Variants in RYR2 observed in about 807,000 individuals in gnomAD.
The protein encoded by RYR2 is ryanodine receptor 2, also known as cardiac muscle ryanodine receptor-calcium release channel.
In RYR2, 227 loss-of-function variants were observed where a neutral mutation model predicts 601.1. That is an observed-to-expected ratio of 0.38 (90% confidence interval 0.34 to 0.42). The LOEUF (loss-of-function observed/expected upper bound fraction) is 0.42. RYR2 is among the 10% of genes least tolerant of loss of function. RYR2 has a pLI of 1.00. For synonymous variants in RYR2, 2,223 were observed against 2,175.1 expected (o/e 1.02, Z -0.61); for missense variants, 4,646 against 6,156.5 (o/e 0.75, Z 8.21).
At chr1:237,663,396 A>G (rs1683990185) in intron 56 of RYR2, among the ~76,000 whole-genome samples, 1 of 152,210 alleles carries the variant, frequency 6.6e-6, no homozygotes, top group Non-Finnish European at 1.5e-5. Flanking sequence ...ATGAGTGAAG[A>G]TCATGTGTAG....
intron 77 of RYR2, among the ~76,000 whole-genome samples, chr1:237,730,838 A>G (rs1291847304): frequency 6.6e-6 from 1 of 152,158 alleles, no homozygotes; most frequent in East Asian, 1.9e-4. Flanking sequence ...AATTTTCACC[A>G]GACTGTGCTG....
chr1:237,224,331 C>T (rs1684130724), intron 1 of RYR2, among the ~76,000 whole-genome samples: 1 of 152,088 alleles, frequency 6.6e-6, no homozygotes, highest in African/African-American at 2.4e-5. Context: ...TTATGTTATA[C>T]CAACTGTTTA....
intron 98 of RYR2, among the ~76,000 whole-genome samples, chr1:237,802,967 G>A (rs1364888873): frequency 6.6e-6 from 1 of 152,170 alleles, no homozygotes; most frequent in African/African-American, 2.4e-5. Flanking sequence ...TCCACCTGCA[G>A]TTTCATGGCT....
At chr1:237,645,107 G>A (rs1224676175) in intron 48 of RYR2, among the ~76,000 whole-genome samples, 5 of 152,094 alleles carry the variant, frequency 3.3e-5, no homozygotes, top group African/African-American at 9.7e-5. Flanking sequence ...CATTAATTAT[G>A]CCCCTAGAGA....
At chr1:237,380,806 G>A (rs908373862) in intron 8 of RYR2, among the ~76,000 whole-genome samples, 1 of 151,828 alleles carries the variant, frequency 6.6e-6, no homozygotes, top group Admixed American at 6.6e-5. Flanking sequence ...GGCCAGGCGC[G>A]GTGGCTCATG....
At chr1:237,795,427 T>C (rs1658980533) in intron 96 of RYR2, 96 bp downstream of exon 96, 4 of 624,746 alleles carry the variant, frequency 6.4e-6, no homozygotes, top group Non-Finnish European at 1.1e-5. Flanking sequence ...TGAGGTATAA[T>C]TTATCTGCCT....
At chr1:237,318,678 A>G (rs551242371) in intron 2 of RYR2, among the ~76,000 whole-genome samples, 1 of 152,268 alleles carries the variant, frequency 6.6e-6, no homozygotes, top group East Asian at 1.9e-4. Flanking sequence ...GCCATTAATC[A>G]TATATCCATT....
At chr1:237,164,514 A>G (rs142157667) in intron 1 of RYR2, among the ~76,000 whole-genome samples, 182 of 152,282 alleles carry the variant, frequency 1.2e-3, no homozygotes, top group Non-Finnish European at 2.2e-3. Flanking sequence ...GTTTAAGCAG[A>G]GACAGGCGAC....
intron 76 of RYR2, 53 bp from the exon 77 acceptor site, chr1:237,730,207 A>G: frequency 9.9e-7 from 1 of 1,010,148 alleles, no homozygotes; most frequent in Non-Finnish European, 1.6e-6. Context: ...ACTCAATACA[A>G]TTTCAACTTA....
At chr1:237,068,479 C>T (rs1261125704) in intron 1 of RYR2, among the ~76,000 whole-genome samples, 5 of 152,084 alleles carry the variant, frequency 3.3e-5, no homozygotes, top group East Asian at 1.9e-4. Context: ...CCCTTACCAA[C>T]GTGGCCATTT....
intron 29 of RYR2, among the ~76,000 whole-genome samples, chr1:237,584,898 A>G (rs554511876): frequency 8.3e-6 from 1 of 120,706 alleles, no homozygotes; most frequent in East Asian, 2.2e-4. Flanking sequence ...GAGTCAACCT[A>G]ATTTGTTATT....
At chr1:237,239,717 A>T (rs1685948614) in intron 1 of RYR2, among the ~76,000 whole-genome samples, 1 of 151,838 alleles carries the variant, frequency 6.6e-6, no homozygotes, top group African/African-American at 2.4e-5. Flanking sequence ...CTTACCGAGG[A>T]CTCTCTTACC....
intron 14 of RYR2, among the ~76,000 whole-genome samples, chr1:237,447,364 T>C (rs930512540): frequency 6.6e-6 from 1 of 152,218 alleles, no homozygotes; most frequent in African/African-American, 2.4e-5. Context: ...TTTGGAAGAA[T>C]AATTTTAAAA....
In RYR2 at chr1:237,503,509, C is replaced by G. The variant is rs371880082; in HGVS notation, c.2613+4C>G. On this transcript the variant is annotated splice_donor_region_variant and intron_variant, in intron 22 of 104. Coordinates refer to ENST00000366574, the MANE Select transcript of RYR2 (RefSeq NM_001035.3). ...CATCCCTGTGGATACCAGCCAGGTA[C>G]CAAGATCCACTCGAATGGCAATCAC... 3.3e-5 allele frequency: 54 copies of G among 1,612,776 alleles called. No homozygotes were observed. In the African/African-American group the frequency reaches 4.9e-4, roughly 15 times the overall value.
chr1:237,407,077 G>A (rs1230049310), intron 10 of RYR2, among the ~76,000 whole-genome samples: 2 of 151,960 alleles, frequency 1.3e-5, no homozygotes, highest in African/African-American at 4.8e-5. Context: ...TTAAATAGTT[G>A]GAATCATATA....
At chr1:237,612,566 CTT>C (rs1678002459) in intron 36 of RYR2, among the ~76,000 whole-genome samples, 1 of 151,914 alleles carries the variant, frequency 6.6e-6, no homozygotes, top group Admixed American at 6.6e-5. Flanking sequence ...ATAATGTACT[CTT>C]GAGATGGTTC....
chr1:237,136,422 A>G (rs1346671751), intron 1 of RYR2, among the ~76,000 whole-genome samples: 1 of 152,136 alleles, frequency 6.6e-6, no homozygotes, highest in Non-Finnish European at 1.5e-5. Flanking sequence ...GGGGCCTCTG[A>G]GAGCTATAAA....
intron 1 of RYR2, among the ~76,000 whole-genome samples, chr1:237,126,003 G>A (rs1049199146): frequency 9.8e-5 from 15 of 152,320 alleles, no homozygotes; most frequent in Admixed American, 3.9e-4. Context: ...TTGGGAGGCC[G>A]AGGCGGGCGG....
At chr1:237,806,108 T>A (rs767563120) in intron 98 of RYR2, 29 bp from the exon 99 acceptor site, 2 of 1,606,700 alleles carry the variant, frequency 1.2e-6, no homozygotes, top group South Asian at 2.2e-5. Context: ...TTTTCTGACA[T>A]GTTCTTTCCC....
Sources: gnomAD v4.1 joint callset for allele counts (sites outside exome capture counted in the v4.1 genomes callset) on GRCh38, gnomAD v4.1.1 for gene constraint, MANE v1.5 for transcripts, NCBI Gene and HGNC (gene_info 2026-07-23, HGNC 2026-07-21) for gene names.